Variants in DLG2 observed in about 807,000 individuals in gnomAD.
DLG2 encodes discs large MAGUK scaffold protein 2, also known as disks large homolog 2.
DLG2 carries 45 observed loss-of-function variants against 132.5 expected under a neutral mutation model. The observed-to-expected ratio is 0.34, with a 90% confidence interval of 0.27 to 0.44. The LOEUF (loss-of-function observed/expected upper bound fraction) is 0.44. Ranked by LOEUF, DLG2 falls within the 20% of genes least tolerant of loss-of-function variation. The pLI is 1.00. For synonymous variants in DLG2, 424 were observed against 419.6 expected (o/e 1.01, Z -0.13); for missense variants, 1,045 against 1,196.9 (o/e 0.87, Z 1.87).
chr11:84,386,903 C>T (rs964546735), intron 7 of DLG2, among the ~76,000 whole-genome samples: 2 of 151,996 alleles, frequency 1.3e-5, no homozygotes, highest in Non-Finnish European at 2.9e-5. Context: ...ACGCTATTTG[C>T]CTTTATTGCC....
chr11:83,938,222 T>C (rs1352801230), intron 14 of DLG2, among the ~76,000 whole-genome samples: 1 of 152,212 alleles, frequency 6.6e-6, no homozygotes, highest in Admixed American at 6.5e-5. Flanking sequence ...TACAAAATTG[T>C]ATATGGGGCT....
intron 6 of DLG2, among the ~76,000 whole-genome samples, chr11:84,779,191 T>TGC (rs1346870611): frequency 2.1e-4 from 29 of 136,950 alleles, no homozygotes; most frequent in Middle Eastern, 7.5e-3. Context: ...TATATATATG[T>TGC]GCGCACACAC....
intron 7 of DLG2, among the ~76,000 whole-genome samples, chr11:84,347,540 G>T (rs180999329): frequency 6.6e-5 from 10 of 152,128 alleles, no homozygotes; most frequent in Non-Finnish European, 4.4e-5. Flanking sequence ...AGCAATGTGT[G>T]GTCATATGTT....
At chr11:83,578,042 T>TTG (rs201528737) in intron 19 of DLG2, among the ~76,000 whole-genome samples, 60 of 132,448 alleles carry the variant, frequency 4.5e-4, no homozygotes, top group South Asian at 2.1e-3. Flanking sequence ...GGGGTTTATT[T>TTG]TGTGTGTGTG....
intron 3 of DLG2, among the ~76,000 whole-genome samples, chr11:85,591,487 TC>T (rs1477853907): frequency 6.6e-6 from 1 of 152,164 alleles, no homozygotes; most frequent in Admixed American, 6.5e-5. Flanking sequence ...ACGCCTGTAA[TC>T]CCAGCGCTTT....
intron 6 of DLG2, among the ~76,000 whole-genome samples, chr11:84,859,250 T>C (rs1226799066): frequency 6.7e-6 from 1 of 150,046 alleles, no homozygotes; most frequent in African/African-American, 2.4e-5. Context: ...TATGTGTATA[T>C]ATACATATAT....
At chr11:84,836,249 T>C (rs1367295473) in intron 6 of DLG2, among the ~76,000 whole-genome samples, 4 of 151,862 alleles carry the variant, frequency 2.6e-5, no homozygotes, top group Non-Finnish European at 5.9e-5. Context: ...GTAACTTAAA[T>C]ACTGTATTTT....
At chr11:84,068,719 GTTTA>G (rs1031364873) in intron 10 of DLG2, among the ~76,000 whole-genome samples, 7 of 152,120 alleles carry the variant, frequency 4.6e-5, no homozygotes, top group East Asian at 1.9e-4. Context: ...ATTATACTGA[GTTTA>G]TTTGTTTTAT....
intron 7 of DLG2, among the ~76,000 whole-genome samples, chr11:84,504,731 G>A (rs1229026466): frequency 6.6e-6 from 1 of 151,990 alleles, no homozygotes. Flanking sequence ...TACAAGTAAT[G>A]ACCCAGAGGA....
At chr11:84,770,686 G>C (rs2069191984) in intron 6 of DLG2, among the ~76,000 whole-genome samples, 1 of 149,310 alleles carries the variant, frequency 6.7e-6, no homozygotes, top group South Asian at 2.1e-4. Flanking sequence ...TGTCGCTCAG[G>C]CTGGAGTGCG....
chr11:85,066,758 T>A (rs2064986737), intron 6 of DLG2, among the ~76,000 whole-genome samples: 1 of 151,376 alleles, frequency 6.6e-6, no homozygotes, highest in Non-Finnish European at 1.5e-5. Context: ...ATAATAAAAA[T>A]CATCAACAAA....
chr11:83,833,479 T>C (rs1229924012), intron 17 of DLG2, 135 bp downstream of exon 17: 3 of 905,646 alleles, frequency 3.3e-6, no homozygotes, highest in Non-Finnish European at 4.9e-6. Context: ...AATTGTGACA[T>C]GCACCAGAAG....
At chr11:85,407,101 G>C (rs925431665) in intron 3 of DLG2, among the ~76,000 whole-genome samples, 8 of 151,852 alleles carry the variant, frequency 5.3e-5, no homozygotes, top group East Asian at 1.9e-4. Context: ...GCCTAGATTA[G>C]AGTGAGAGAA....
chr11:84,220,779 TC>T (rs369691254), intron 8 of DLG2, among the ~76,000 whole-genome samples: 50 of 122,096 alleles, frequency 4.1e-4, no homozygotes, highest in East Asian at 1.1e-3. Context: ...CTTTTTCTTT[TC>T]TTTTTTTTTT....
At chr11:84,640,055 G>T in intron 6 of DLG2, 2 of 294,298 alleles carry the variant, frequency 6.8e-6, no homozygotes, top group East Asian at 9.9e-5. Flanking sequence ...TTACTCTGAA[G>T]GGACACACAG....
intron 5 of DLG2, among the ~76,000 whole-genome samples, chr11:85,134,797 C>T (rs535940749): frequency 6.6e-6 from 1 of 152,116 alleles, no homozygotes; most frequent in East Asian, 1.9e-4. Context: ...AAAAGACAAG[C>T]TCCTAAAGTT....
intron 6 of DLG2, among the ~76,000 whole-genome samples, chr11:84,897,768 G>C (rs895327609): frequency 2.0e-5 from 3 of 151,892 alleles, no homozygotes; most frequent in Non-Finnish European, 4.4e-5. Context: ...GCTTTGGGAA[G>C]CAGGAGTCTT....
intron 3 of DLG2, among the ~76,000 whole-genome samples, chr11:85,541,114 G>A (rs1030160537): frequency 6.6e-5 from 10 of 152,044 alleles, no homozygotes; most frequent in South Asian, 6.2e-4. Context: ...TCCATAAGGC[G>A]GTCTTACAAA....
At position 83,459,883 on chromosome 11, in the gene DLG2, A is replaced by T. The variant is rs1346733748; in HGVS notation, c.2863T>A (p.Cys955Ser). 1.2e-6 allele frequency: 2 copies of T among 1,610,842 alleles called. No individual in the cohort carries two copies. Among genetic ancestry groups the T allele is most frequent in the East Asian group, 4.5e-5 (2 of 44,858 alleles). Reference sequence around the variant, plus strand: ...GATTGCTCTTCAATAACAAGCTTGCATTGGTTATATATATCTTCTAAAGTA... The same window carrying T: ...GATTGCTCTTCAATAACAAGCTTGCTTTGGTTATATATATCTTCTAAAGTA... ...GDTLEDIYNQ[C>S]KLVIEEQSGP... Residue 955 changes from cysteine (C) to serine (S), a missense_variant, in exon 28 of 28, where the codon TGC (cysteine) becomes AGC (serine). By Grantham distance (112) the Cys-to-Ser change is moderately radical. This residue lies in a region of DLG2 where 398 missense variants were observed against 543.6 expected (regional missense o/e 0.73). Coordinates refer to ENST00000376104, the MANE Select transcript of DLG2 (RefSeq NM_001142699.3).
Sources: allele counts gnomAD v4.1 joint callset (sites outside exome capture counted in the v4.1 genomes callset), GRCh38; gene constraint gnomAD v4.1.1; regional missense constraint gnomAD v4.1.1; transcripts MANE v1.5; gene names NCBI Gene and HGNC (gene_info 2026-07-23, HGNC 2026-07-21).